The following LPIN2 variants were observed in gnomAD, a reference collection of about 807,000 sequenced individuals.
LPIN2 encodes lipin 2.
A neutral mutation model predicts 111.4 loss-of-function variants in LPIN2; 55 were observed. The ratio of observed to expected loss-of-function variants is 0.49; its 90% CI spans 0.40 to 0.62. The LOEUF (loss-of-function observed/expected upper bound fraction) is 0.62, where lower values mean the gene tolerates loss of function less well. Ranked by LOEUF, LPIN2 falls within the 20% of genes least tolerant of loss-of-function variation. The probability of loss-of-function intolerance (pLI) is 0.00; values close to 1 mark genes in which losing one functional copy is unlikely to be tolerated. For missense variants in LPIN2, 992 were observed against 1,112.1 expected, an observed-to-expected ratio of 0.89 and a Z score of 1.54; for synonymous variants, 425 against 414.0, an observed-to-expected ratio of 1.03 and a Z score of -0.32.
In LPIN2 at chr18:3,006,643, C is replaced by T. The variant is rs111228605; in HGVS notation, c.-10+6444G>A. Among the ~76,000 whole-genome samples, 792 of 152,286 alleles carry T rather than the reference C, an allele frequency of 5.2e-3. 5 individuals are homozygous for T. Among genetic ancestry groups the T allele is most frequent in the African/African-American group, 0.018 (742 of 41,570 alleles). ...ACAAGATCAGGAGATCGAGACCACCCTGGCTAACACGGTGAAACCCCGTCT... is the reference window on the plus strand; with the variant it reads ...ACAAGATCAGGAGATCGAGACCACCTTGGCTAACACGGTGAAACCCCGTCT... On this transcript the variant is annotated intron_variant, in intron 1 of 19. Transcript: ENST00000677752.
chr18:2,984,637 A>C (rs2078161226), intron 1 of LPIN2, among the ~76,000 whole-genome samples: 1 of 152,076 alleles, frequency 6.6e-6, no homozygotes, highest in South Asian at 2.1e-4. Flanking sequence ...AGAGATGAGA[A>C]AATATTCAAC....
In LPIN2 at chr18:2,917,024, T is replaced by G. The variant is rs759048331; in HGVS notation, c.*3269A>C. On this transcript the variant is annotated 3_prime_UTR_variant, in exon 20 of 20. Coordinates refer to ENST00000677752, the MANE Select transcript of LPIN2 (RefSeq NM_001375808.2). ...TTTATGTTATGTTCGTTTATTGTTG[T>G]AACATTTTGTTTTGAACATCAAACA... is the stretch of plus-strand genomic sequence containing the variant. The G allele has an allele frequency of 1.3e-5, 2 of 152,262 alleles. No homozygotes were observed. The highest frequency in any genetic ancestry group is 2.4e-5 in the African/African-American group (1 of 41,476). 9.4% of individuals were successfully genotyped at this position (152,262 alleles called of 1,614,324 possible).
chr18:2,986,437 C>T lies in LPIN2; in HGVS notation c.-9-25588G>A, dbSNP rs569936087. Among the ~76,000 whole-genome samples, 111 of 137,308 alleles carry T rather than the reference C, an allele frequency of 8.1e-4. 1 individual carries two copies. In the South Asian group the frequency reaches 0.022, roughly 27 times the overall value. The allele number at this position is 137,308 out of a possible 152,430, so 90.1% of individuals were successfully genotyped here. A position where few individuals can be genotyped will look rare whatever the true frequency, so the allele number is the denominator to read the frequency against. ...CAAGGGAGGGTCTCCTGAGGTCAGA[C>T]GCCCAGCTTAAAGTGACTCTCCCAA... On this transcript the variant is annotated intron_variant, in intron 1 of 19. Transcript: ENST00000677752.
In LPIN2 at chr18:2,987,782, T is replaced by C. The variant is rs551634913; in HGVS notation, c.-10+25305A>G. On this transcript the variant is annotated intron_variant, in intron 1 of 19. Coordinates refer to ENST00000677752, the MANE Select transcript of LPIN2 (RefSeq NM_001375808.2). ...CATCTATAGAAACGAACGGCTGCTG[T>C]AATTTTAAGTGTACTTAGAATCCAG... Among the ~76,000 whole-genome samples, 5 of 152,074 alleles carry C rather than the reference T, an allele frequency of 3.3e-5. No homozygotes were observed. The South Asian group carries it at 1.0e-3, about 32-fold the overall frequency.
At chr18:2,931,851 A>G (rs2077217554) in intron 8 of LPIN2, among the ~76,000 whole-genome samples, 1 of 152,214 alleles carries the variant, frequency 6.6e-6, no homozygotes, top group South Asian at 2.1e-4. Context: ...ACGTCCTAGA[A>G]AAAGCTGTGG....
At chr18:2,921,974 A>AT (rs1282704695) in intron 17 of LPIN2, 73 bp downstream of exon 17, 7 of 1,526,510 alleles carry the variant, frequency 4.6e-6, no homozygotes, top group Admixed American at 4.4e-5. Context: ...GTTCCCACAC[A>AT]TCCCCCCACC....
At chr18:2,953,888 G>A (rs187971861) in intron 3 of LPIN2, among the ~76,000 whole-genome samples, 16 of 152,270 alleles carry the variant, frequency 1.1e-4, no homozygotes, top group African/African-American at 2.4e-4. Flanking sequence ...TCAAGAATCC[G>A]TCGTTAACTA....
chr18:2,986,419 G>A (rs891525239), intron 1 of LPIN2, among the ~76,000 whole-genome samples: 1 of 151,560 alleles, frequency 6.6e-6, no homozygotes, highest in African/African-American at 2.4e-5. Flanking sequence ...AAACAAGGGA[G>A]GGTCTCCTGA....
intron 2 of LPIN2, 103 bp from the exon 3 acceptor site, chr18:2,954,702 A>C: frequency 7.0e-6 from 6 of 854,800 alleles, no homozygotes; most frequent in Middle Eastern, 2.6e-4. Context: ...CATAGTTTTG[A>C]GGTTCCTAGA....
At chr18:2,956,311 GGTGTGTGTGTGTGTGTGT>G (rs55844718) in intron 2 of LPIN2, among the ~76,000 whole-genome samples, 14 of 143,960 alleles carry the variant, frequency 9.7e-5, no homozygotes, top group Admixed American at 4.1e-4. Flanking sequence ...TAGATGCAGG[GGTGTGTGTGTGTGTGTGT>G]GTGTGTGTGT....
At chr18:2,928,517 G>T in intron 11 of LPIN2, 74 bp downstream of exon 11, 2 of 1,362,840 alleles carry the variant, frequency 1.5e-6, no homozygotes, top group Non-Finnish European at 2.1e-6. Context: ...TCAGAAATAT[G>T]CACATATGGA....
intron 2 of LPIN2, among the ~76,000 whole-genome samples, chr18:2,955,094 C>T (rs577210595): frequency 2.0e-5 from 3 of 152,132 alleles, no homozygotes; most frequent in South Asian, 2.1e-4. Context: ...CTGATGATGG[C>T]GGTTCCATTT....
chr18:2,932,064 G>C (rs2077219271), intron 8 of LPIN2, among the ~76,000 whole-genome samples: 2 of 152,132 alleles, frequency 1.3e-5, no homozygotes, highest in South Asian at 2.1e-4. Context: ...CTAAAGATGA[G>C]GTTACTGAAT....
intron 1 of LPIN2, among the ~76,000 whole-genome samples, chr18:2,961,626 G>A (rs775697542): frequency 6.6e-6 from 1 of 152,152 alleles, no homozygotes; most frequent in Non-Finnish European, 1.5e-5. Context: ...TACAGCTAAA[G>A]CCAGGGGTGG....
intron 1 of LPIN2, among the ~76,000 whole-genome samples, chr18:3,003,877 A>G (rs1002895957): frequency 2.0e-5 from 3 of 152,164 alleles, no homozygotes; most frequent in African/African-American, 7.2e-5. Context: ...TCTTGCAGAG[A>G]GCCTATAAAT....
intron 1 of LPIN2, among the ~76,000 whole-genome samples, chr18:2,998,551 T>C (rs555844922): frequency 1.3e-5 from 2 of 152,236 alleles, no homozygotes; most frequent in African/African-American, 4.8e-5. Context: ...ACAACATATG[T>C]TAGGCTGGGA....
intron 1 of LPIN2, among the ~76,000 whole-genome samples, chr18:2,963,797 G>C (rs1042234266): frequency 6.6e-6 from 1 of 151,802 alleles, no homozygotes; most frequent in South Asian, 2.1e-4. Flanking sequence ...GCTGATTCTT[G>C]GAACAAGAAG....
intron 9 of LPIN2, 86 bp from the exon 10 acceptor site, chr18:2,929,244 G>A (rs991807625): frequency 6.6e-6 from 6 of 910,674 alleles, no homozygotes; most frequent in African/African-American, 1.7e-5. Context: ...TGCAGAAATT[G>A]AAGGCTAAAA....
chr18:2,951,368 T>C lies in LPIN2; in HGVS notation c.289-12A>G, dbSNP rs375980851. The C allele has an allele frequency of 1.3e-5, 21 of 1,611,924 alleles. No individual in the cohort carries two copies. The highest frequency in any genetic ancestry group is 1.7e-5 in the Non-Finnish European group (20 of 1,178,690). On this transcript the variant is annotated splice_polypyrimidine_tract_variant and intron_variant, in intron 3 of 19. Transcript: ENST00000677752. ...GCAGGAAGCTTTTCCTTGAGGAGAA[T>C]GGAGAAAGAAAAGTTATCCATGACA...
Sources: allele counts gnomAD v4.1 joint callset (sites outside exome capture counted in the v4.1 genomes callset), GRCh38; gene constraint gnomAD v4.1.1; transcripts MANE v1.5; gene names NCBI Gene and HGNC (gene_info 2026-07-23, HGNC 2026-07-21).